CDKAL1: variants seen among roughly 807,000 people sequenced by gnomAD.
CDKAL1 encodes the protein CDKAL1 threonylcarbamoyladenosine tRNA methylthiotransferase, also known as threonylcarbamoyladenosine tRNA methylthiotransferase.
Under a neutral mutation model 68.2 loss-of-function variants are expected in CDKAL1, and 32 were observed. The ratio of observed to expected loss-of-function variants is 0.47; its 90% CI spans 0.35 to 0.63. The LOEUF is 0.63. Ranked by LOEUF, CDKAL1 falls within the 30% of genes least tolerant of loss-of-function variation. CDKAL1 has a pLI of 0.00. For synonymous variants in CDKAL1, 234 were observed against 244.3 expected (o/e 0.96, Z 0.39); for missense variants, 606 against 696.7 (o/e 0.87, Z 1.47).
At chr6:20,656,481 G>A (rs939252369) in intron 5 of CDKAL1, among the ~76,000 whole-genome samples, 4 of 151,628 alleles carry the variant, frequency 2.6e-5, no homozygotes, top group Non-Finnish European at 4.4e-5. Flanking sequence ...TTCAGAGAAT[G>A]CTTTTTTTTT....
chr6:20,697,151 A>G (rs1004329744), intron 5 of CDKAL1, among the ~76,000 whole-genome samples: 5 of 152,170 alleles, frequency 3.3e-5, no homozygotes, highest in Non-Finnish European at 5.9e-5. Context: ...ACAAGATGTC[A>G]TGCAAAAACT....
At chr6:21,108,162 ATCT>A (rs1262676416) in intron 12 of CDKAL1, among the ~76,000 whole-genome samples, 2 of 151,960 alleles carry the variant, frequency 1.3e-5, no homozygotes, top group African/African-American at 4.8e-5. Context: ...TAGTTATGAA[ATCT>A]TCTAGGAAGA....
chr6:21,214,366 G>T (rs1235568464), intron 15 of CDKAL1, among the ~76,000 whole-genome samples: 1 of 151,472 alleles, frequency 6.6e-6, no homozygotes, highest in Non-Finnish European at 1.5e-5. Context: ...ATCATCTAAG[G>T]TTTCCCAGCA....
At chr6:20,796,077 C>T (rs915524230) in intron 8 of CDKAL1, among the ~76,000 whole-genome samples, 3 of 152,104 alleles carry the variant, frequency 2.0e-5, no homozygotes, top group Admixed American at 6.6e-5. Flanking sequence ...AAAACTGTGC[C>T]TATTCACAGA....
At chr6:20,686,621 C>T (rs62397647) in intron 5 of CDKAL1, among the ~76,000 whole-genome samples, 5,620 of 152,182 alleles carry the variant, frequency 0.037, 113 homozygotes, top group Middle Eastern at 0.078. Context: ...AAATGTAATG[C>T]GCTTGAATCA....
chr6:20,668,229 T>C (rs1769644463), intron 5 of CDKAL1, among the ~76,000 whole-genome samples: 1 of 152,216 alleles, frequency 6.6e-6, no homozygotes, highest in Non-Finnish European at 1.5e-5. Flanking sequence ...TGTTCCAGTT[T>C]ATGTGCATGA....
chr6:20,811,351 G>A (rs1454406781), intron 8 of CDKAL1, among the ~76,000 whole-genome samples: 1 of 152,172 alleles, frequency 6.6e-6, no homozygotes, highest in Non-Finnish European at 1.5e-5. Flanking sequence ...GATAAATGTC[G>A]AGACGCTGAG....
chr6:20,771,539 G>A (rs1439134179), intron 7 of CDKAL1, among the ~76,000 whole-genome samples: 4 of 152,138 alleles, frequency 2.6e-5, no homozygotes, highest in Non-Finnish European at 5.9e-5. Flanking sequence ...GAATTAGCGC[G>A]AGGAGACTTG....
chr6:21,107,041 G>T (rs144366746), intron 12 of CDKAL1, among the ~76,000 whole-genome samples: 1 of 145,412 alleles, frequency 6.9e-6, no homozygotes, highest in South Asian at 2.2e-4. Context: ...TCCGCCTCCC[G>T]GGTTCACGCC....
Position 20,539,306 on chromosome 6 carries a change from T to C in CDKAL1, c.-6+3912T>C, listed in dbSNP as rs1763297495. ...AAAAGTATTTATTGAGAACCTGCAATGTGCTAGACATAGTTCTAGGCACCT... is the reference window on the plus strand; with the variant it reads ...AAAAGTATTTATTGAGAACCTGCAACGTGCTAGACATAGTTCTAGGCACCT... On this transcript the variant is annotated intron_variant, in intron 2 of 15. Transcript: ENST00000274695. This position sits in a 1 kb window ranked among gnomAD's most constrained non-coding sequence, Gnocchi z 4.3. Among the ~76,000 whole-genome samples, 1 of 152,268 alleles carries C rather than the reference T, an allele frequency of 6.6e-6. No homozygotes were observed. The highest frequency in any genetic ancestry group is 1.5e-5 in the Non-Finnish European group (1 of 68,050).
At chr6:20,998,166 T>A (rs1767220854) in intron 10 of CDKAL1, among the ~76,000 whole-genome samples, 1 of 152,176 alleles carries the variant, frequency 6.6e-6, no homozygotes, top group Non-Finnish European at 1.5e-5. Context: ...TGTACAGTTA[T>A]GTTTCTTAAA....
At chr6:20,739,930 A>G (rs933181274) in intron 6 of CDKAL1, among the ~76,000 whole-genome samples, 3 of 152,030 alleles carry the variant, frequency 2.0e-5, no homozygotes, top group Non-Finnish European at 2.9e-5. Context: ...CAGTTTTTCC[A>G]CCTCACTCAG....
chr6:20,628,538 T>C (rs1222186756), intron 4 of CDKAL1, among the ~76,000 whole-genome samples: 1 of 152,186 alleles, frequency 6.6e-6, no homozygotes, highest in African/African-American at 2.4e-5. Flanking sequence ...TTCTTTCTTA[T>C]TTTGGCTTTT....
chr6:20,812,407 G>C (rs1344193184), intron 8 of CDKAL1, among the ~76,000 whole-genome samples: 1 of 152,172 alleles, frequency 6.6e-6, no homozygotes, highest in Non-Finnish European at 1.5e-5. Flanking sequence ...TTGACATGCT[G>C]TCAGTAGTCT....
chr6:21,211,544 C>A (rs535447836), intron 15 of CDKAL1, among the ~76,000 whole-genome samples: 10 of 152,256 alleles, frequency 6.6e-5, no homozygotes, highest in Admixed American at 2.6e-4. Flanking sequence ...TGCATGTCTC[C>A]ATGGTAAGGA....
chr6:20,929,375 G>A (rs143348550), intron 9 of CDKAL1, among the ~76,000 whole-genome samples: 90 of 152,282 alleles, frequency 5.9e-4, no homozygotes, highest in African/African-American at 1.6e-3. Flanking sequence ...GCAGCACAAC[G>A]TAGGAGTAAA....
intron 13 of CDKAL1, among the ~76,000 whole-genome samples, chr6:21,163,286 A>G (rs1380700645): frequency 6.6e-6 from 1 of 151,832 alleles, no homozygotes; most frequent in African/African-American, 2.4e-5. Flanking sequence ...CGGTTTTATA[A>G]CCTCCTCCAC....
At chr6:21,113,962 G>A (rs1285711970) in intron 13 of CDKAL1, among the ~76,000 whole-genome samples, 3 of 149,976 alleles carry the variant, frequency 2.0e-5, no homozygotes, top group African/African-American at 7.4e-5. Flanking sequence ...AAAAAAAAAA[G>A]CTCCGGCCGG....
At chr6:21,068,424 C>T (rs1771576545) in intron 12 of CDKAL1, among the ~76,000 whole-genome samples, 1 of 151,952 alleles carries the variant, frequency 6.6e-6, no homozygotes, top group African/African-American at 2.4e-5. Flanking sequence ...GGGAAGTTCA[C>T]GTTTGTTTTG....
Sources: gnomAD v4.1 joint callset for allele counts (sites outside exome capture counted in the v4.1 genomes callset) on GRCh38, gnomAD v4.1.1 for gene constraint, Gnocchi (gnomAD v3.1) non-coding constraint, MANE v1.5 for transcripts, NCBI Gene and HGNC (gene_info 2026-07-23, HGNC 2026-07-21) for gene names.